MAP3K13: variants seen among roughly 807,000 people sequenced by gnomAD.
The protein encoded by MAP3K13 is mitogen-activated protein kinase kinase kinase 13.
Under a neutral mutation model 104.0 loss-of-function variants are expected in MAP3K13, and 52 were observed. That is an observed-to-expected ratio of 0.50 (90% CI 0.40 to 0.63). The LOEUF is 0.63. Among genes scored for constraint, MAP3K13 ranks in the 20% least tolerant of loss-of-function variants. The pLI is 0.00. For missense variants in MAP3K13, 914 were observed against 1,218.5 expected (o/e 0.75, Z 3.72); for synonymous variants, 394 against 442.2 (o/e 0.89, Z 1.37).
intron 2 of MAP3K13, among the ~76,000 whole-genome samples, chr3:185,285,883 T>G (rs1720489681): frequency 6.6e-6 from 1 of 152,198 alleles, no homozygotes; most frequent in East Asian, 1.9e-4. Flanking sequence ...AGGCTACTGC[T>G]CTGCTTTCTT....
intron 2 of MAP3K13, among the ~76,000 whole-genome samples, chr3:185,329,635 C>T (rs1371284266): frequency 2.0e-5 from 3 of 152,188 alleles, no homozygotes; most frequent in South Asian, 2.1e-4. Flanking sequence ...TACTATGGTG[C>T]GTAAAATGAG....
chr3:185,445,544 G>A (rs997744263), intron 4 of MAP3K13, among the ~76,000 whole-genome samples: 1 of 152,122 alleles, frequency 6.6e-6, no homozygotes, highest in Non-Finnish European at 1.5e-5. Context: ...TAACCAACTT[G>A]TTCTCCTTAT....
chr3:185,451,331 T>C lies in MAP3K13; in HGVS notation c.1214T>C (p.Met405Thr). The part of the protein sequence containing the change: ...RNRPSFRQTL[M>T]HLDIASADVL... The stretch of plus-strand genomic sequence containing the variant: ...CGACCTTCTTTTCGGCAGACACTCA[T>C]GCATTTAGACATTGCCTCTGCAGAT... The change falls in exon 7 of 14, where the codon ATG becomes ACG. Residue 405 changes from methionine (M) to threonine (T), a missense_variant. By Grantham distance (81) the Met-to-Thr change is moderately conservative. Coordinates refer to ENST00000265026, the MANE Select transcript of MAP3K13 (RefSeq NM_004721.5). 1 of 1,613,772 alleles carries C rather than the reference T, an allele frequency of 6.2e-7. No homozygotes were observed. Among genetic ancestry groups the C allele is most frequent in the Non-Finnish European group, 8.5e-7 (1 of 1,179,752 alleles).
At chr3:185,455,522 G>C (rs1334408672) in intron 7 of MAP3K13, among the ~76,000 whole-genome samples, 1 of 32,576 alleles carries the variant, frequency 3.1e-5, no homozygotes, top group African/African-American at 7.6e-5. Flanking sequence ...AGATATATAT[G>C]ATATATATGA....
intron 7 of MAP3K13, among the ~76,000 whole-genome samples, chr3:185,458,358 A>AC (rs1256012036): frequency 1.1e-5 from 1 of 89,974 alleles, no homozygotes; most frequent in Non-Finnish European, 2.4e-5. Flanking sequence ...ATAGAGCGAG[A>AC]CCCCATCTCA....
In MAP3K13 at chr3:185,485,125, T is replaced by A. The variant is rs1425087294; in HGVS notation, c.*2669T>A. On this transcript the variant is annotated 3_prime_UTR_variant, in exon 14 of 14. Coordinates refer to ENST00000265026, the MANE Select transcript of MAP3K13 (RefSeq NM_004721.5). ...TATAGTTAAAAAGCTGTAAACTTTCTAAAGTTTCTTAGGAAATAAATTCAT... is the reference window on the plus strand; with the variant it reads ...TATAGTTAAAAAGCTGTAAACTTTCAAAAGTTTCTTAGGAAATAAATTCAT... 6.6e-6 allele frequency: 1 copy of A among 152,184 alleles called. No homozygotes were observed. The highest frequency in any genetic ancestry group is 1.5e-5 in the Non-Finnish European group (1 of 68,030). The allele number at this position is 152,184 out of a possible 1,614,324, so 9.4% of individuals were successfully genotyped here. A position where few individuals can be genotyped will look rare whatever the true frequency, so the allele number is the denominator to read the frequency against.
chr3:185,468,641 T>C (rs1284640386), intron 10 of MAP3K13, among the ~76,000 whole-genome samples: 1 of 152,224 alleles, frequency 6.6e-6, no homozygotes, highest in Non-Finnish European at 1.5e-5. Flanking sequence ...TATGACTCTA[T>C]CAGAATGGCA....
At chr3:185,317,243 G>T (rs957373696) in intron 2 of MAP3K13, among the ~76,000 whole-genome samples, 1 of 152,120 alleles carries the variant, frequency 6.6e-6, no homozygotes, top group Admixed American at 6.5e-5. Context: ...TTGTTCTTTC[G>T]CCTTCTGAAA....
chr3:185,468,992 G>A (rs929470139), intron 10 of MAP3K13, among the ~76,000 whole-genome samples: 1 of 152,244 alleles, frequency 6.6e-6, no homozygotes, highest in African/African-American at 2.4e-5. Flanking sequence ...ATGTTTGAAA[G>A]AGTTTGACAA....
intron 5 of MAP3K13, 169 bp downstream of exon 5, chr3:185,448,116 G>A (rs1715692293): frequency 4.9e-6 from 4 of 821,876 alleles, no homozygotes; most frequent in Non-Finnish European, 8.5e-6. Context: ...GGTGATATAT[G>A]GGGAGAAGGA....
At chr3:185,414,327 T>C (rs1713620361) in intron 1 of MAP3K13, among the ~76,000 whole-genome samples, 1 of 152,262 alleles carries the variant, frequency 6.6e-6, no homozygotes, top group Admixed American at 6.5e-5. Flanking sequence ...TCCAAAAAAA[T>C]TGAATTCCAC....
chr3:185,458,195 C>G (rs1716877735), intron 7 of MAP3K13, among the ~76,000 whole-genome samples: 1 of 151,846 alleles, frequency 6.6e-6, no homozygotes, highest in Non-Finnish European at 1.5e-5. Context: ...ATGGCAAAAC[C>G]AAGTGTCTAC....
intron 11 of MAP3K13, among the ~76,000 whole-genome samples, chr3:185,475,360 A>G (rs1167420237): frequency 6.6e-6 from 1 of 152,194 alleles, no homozygotes; most frequent in Non-Finnish European, 1.5e-5. Flanking sequence ...AATTCTAAGT[A>G]TGGTTTCATC....
chr3:185,341,467 A>G (rs769042881), intron 2 of MAP3K13, among the ~76,000 whole-genome samples: 7 of 152,214 alleles, frequency 4.6e-5, no homozygotes, highest in African/African-American at 9.6e-5. Context: ...AGAACTGTAA[A>G]AGAAAAAATT....
intron 2 of MAP3K13, among the ~76,000 whole-genome samples, chr3:185,341,640 T>G (rs77946405): frequency 0.012 from 1,867 of 152,304 alleles, 45 homozygotes; most frequent in African/African-American, 0.043. Context: ...AGGTATAGCC[T>G]AATTCCTCTC....
chr3:185,380,805 C>A (rs891666789), intron 1 of MAP3K13, among the ~76,000 whole-genome samples: 1 of 152,132 alleles, frequency 6.6e-6, no homozygotes, highest in African/African-American at 2.4e-5. Context: ...GTCCTAGGAC[C>A]ACATTTTGTG....
At chr3:185,328,642 T>G (rs1219764066) in intron 2 of MAP3K13, 2 of 152,206 alleles carry the variant, frequency 1.3e-5, no homozygotes, top group African/African-American at 4.8e-5. Flanking sequence ...GGGAAAGAAA[T>G]CCCCTCGGAA....
rs748342510 is a variant in MAP3K13, at chr3:185,480,433, A to G, written c.2703A>G (p.Ser901=). Residue 901 remains serine, a synonymous_variant, in exon 13 of 14, where the codon TCA becomes TCG. Transcript: ENST00000265026. ...QTPEIPIDIS[S]HSDGLSDKEC... ...CAGAGATTCCCATTGACATATCCTC[A>G]CACTCGGATGGGCTCTCTGACAAGG... The G allele has an allele frequency of 6.2e-7, 1 of 1,614,164 alleles. No homozygotes were observed. Among genetic ancestry groups the G allele is most frequent in the South Asian group, 1.1e-5 (1 of 91,084 alleles).
intron 1 of MAP3K13, among the ~76,000 whole-genome samples, chr3:185,422,626 A>G (rs1714195589): frequency 6.6e-6 from 1 of 152,264 alleles, no homozygotes; most frequent in Non-Finnish European, 1.5e-5. Context: ...GACAAAGTAG[A>G]AATTTACGAG....
Sources: gnomAD v4.1 joint callset for allele counts (sites outside exome capture counted in the v4.1 genomes callset) on GRCh38, gnomAD v4.1.1 for gene constraint, MANE v1.5 for transcripts, NCBI Gene and HGNC (gene_info 2026-07-23, HGNC 2026-07-21) for gene names.